Variants in CTSE observed in about 807,000 individuals in gnomAD.
CTSE encodes the protein erythrocyte membrane aspartic proteinase.
Under a neutral mutation model 42.8 loss-of-function variants are expected in CTSE, and 43 were observed. The ratio of observed to expected loss-of-function variants is 1.01; its 90% CI spans 0.79 to 1.30. CTSE has a LOEUF of 1.30. Ranked by LOEUF, CTSE falls within the 50% of genes most tolerant of loss-of-function variation. CTSE has a pLI of 0.00. For synonymous variants in CTSE, 205 were observed against 191.5 expected (o/e 1.07, Z -0.58); for missense variants, 532 against 493.5 (o/e 1.08, Z -0.74).
intron 3 of CTSE, 51 bp downstream of exon 3, chr1:206,022,099 C>T (rs2102278631): frequency 7.5e-7 from 1 of 1,341,742 alleles, no homozygotes; most frequent in Non-Finnish European, 1.0e-6. Flanking sequence ...GGCTTGGCCT[C>T]CCAGGACTAG....
Position 206,009,802 on chromosome 1 carries a change from G to A in CTSE, c.*381C>T, listed in dbSNP as rs116398880. 5.4e-3 allele frequency: 1,358 copies of A among 250,298 alleles called. 14 individuals carry two copies. The highest frequency in any genetic ancestry group is 0.029 in the African/African-American group (1,284 of 44,386). 15.5% of individuals were successfully genotyped at this position (250,298 alleles called of 1,614,324 possible). A position where few individuals can be genotyped will look rare whatever the true frequency, so the allele number is the denominator to read the frequency against. On this transcript the variant is annotated 3_prime_UTR_variant, in exon 9 of 9. Coordinates refer to ENST00000358184, the MANE Select transcript of CTSE (RefSeq NM_001910.4). ...TGTAGATAAACAGGCCTGGCCGTGTGTGGATGGGTTGTCAGGGCTGAGTGG... is the reference window on the plus strand; with the variant it reads ...TGTAGATAAACAGGCCTGGCCGTGTATGGATGGGTTGTCAGGGCTGAGTGG...
At chr1:206,020,875 G>C (rs761408821) in intron 4 of CTSE, among the ~76,000 whole-genome samples, 174 bp downstream of exon 4, 1 of 152,018 alleles carries the variant, frequency 6.6e-6, no homozygotes, top group Non-Finnish European at 1.5e-5. Context: ...GCGTGCTGTG[G>C]AGACTGACCC....
intron 3 of CTSE, 141 bp from the exon 4 acceptor site, chr1:206,021,308 G>A (rs1661415123): frequency 3.0e-6 from 2 of 672,562 alleles, no homozygotes; most frequent in Non-Finnish European, 5.3e-6. Flanking sequence ...GCCTGGTGAT[G>A]CCCCTCCCTA....
intron 4 of CTSE, among the ~76,000 whole-genome samples, chr1:206,017,582 TGG>T (rs1661297501): frequency 6.6e-6 from 1 of 151,986 alleles, no homozygotes; most frequent in Admixed American, 6.6e-5. Flanking sequence ...CTCCACCTCC[TGG>T]GTTCAAGCAG....
In CTSE at chr1:206,010,003, G is replaced by A. The variant is rs1189799984; in HGVS notation, c.*180C>T. The A allele has an allele frequency of 2.6e-5, 16 of 627,102 alleles. No homozygotes were observed. In the Admixed American group the frequency reaches 4.2e-4, roughly 16 times the overall value. The allele number at this position is 627,102 out of a possible 1,614,324, so 38.8% of individuals were successfully genotyped here. On this transcript the variant is annotated 3_prime_UTR_variant, in exon 9 of 9. Transcript: ENST00000358184. ...GGAGTGGTGTGTATGTGTGAAGTGT[G>A]TGTGTGTGTATATGTGTGTGTGTGT...
intron 8 of CTSE, 66 bp downstream of exon 8, chr1:206,012,242 A>T: frequency 7.4e-7 from 1 of 1,349,714 alleles, no homozygotes. Context: ...CAGGCGATTG[A>T]AAAGGGGAAG....
In CTSE at chr1:206,016,070, T is replaced by A. The variant is rs1553277693; in HGVS notation, c.523A>T (p.Thr175Ser). 1 of 1,613,882 alleles carries A rather than the reference T, an allele frequency of 6.2e-7. No individual in the cohort carries two copies. Among genetic ancestry groups the A allele is most frequent in the East Asian group, 2.2e-5 (1 of 44,878 alleles). Residue 175 changes from threonine to serine, a missense_variant, in exon 5 of 9, where the codon ACC (threonine) becomes TCC (serine). By Grantham distance (58) the Thr-to-Ser change is moderately conservative. Transcript: ENST00000358184. ...CCATCAAACTCTGCATCCACAAAGG[T>A]CTGGCCTGGCTCTGTGACACTTTCT... The part of the protein sequence containing the change: ...FGESVTEPGQ[T>S]FVDAEFDGIL...
At position 206,022,393 on chromosome 1, in the gene CTSE, G is replaced by A. The variant is rs115200237; in HGVS notation, c.226-126C>T. 835 of 625,160 alleles carry A rather than the reference G, an allele frequency of 1.3e-3. 8 individuals carry two copies. In the African/African-American group the frequency reaches 0.014, roughly 11 times the overall value. 38.7% of individuals were successfully genotyped at this position (625,160 alleles called of 1,614,324 possible). On this transcript the variant is annotated intron_variant, in intron 2 of 8. Transcript: ENST00000358184. ...GGTAATACAGACTGGAGTTTACAGA[G>A]CCTAGGAAGTGGCAACGCTGGAAAA... is the stretch of plus-strand genomic sequence containing the variant.
chr1:206,015,061 C>T lies in CTSE; in HGVS notation c.662+870G>A, dbSNP rs566672126. Among the ~76,000 whole-genome samples the T allele has an allele frequency of 7.2e-5, 11 of 152,100 alleles. No individual in the cohort carries two copies. The South Asian group carries it at 2.1e-3, about 29-fold the overall frequency. On this transcript the variant is annotated intron_variant, in intron 5 of 8. Coordinates refer to ENST00000358184, the MANE Select transcript of CTSE (RefSeq NM_001910.4). The stretch of plus-strand genomic sequence containing the variant: ...AGAGGAGATGACCCTCCAAGGATGC[C>T]GGGCAAGAGTGCCTAGAAACAGGTG...
At chr1:206,013,720 C>T (rs782344603) in intron 6 of CTSE, 52 bp downstream of exon 6, 3 of 1,586,976 alleles carry the variant, frequency 1.9e-6, no homozygotes, top group Non-Finnish European at 2.6e-6. Flanking sequence ...TTGAGTTGTG[C>T]CTCTTTTCAG....
chr1:206,023,419 G>T (rs1407088517), intron 1 of CTSE, among the ~76,000 whole-genome samples: 1 of 151,914 alleles, frequency 6.6e-6, no homozygotes, highest in Non-Finnish European at 1.5e-5. Context: ...AGTCCCCTGG[G>T]GAAGTCCTGG....
chr1:206,021,788 C>T lies in CTSE; in HGVS notation c.343+362G>A, dbSNP rs192672311. ...CAAGCAGACTATCTACACTAGAACCCGACTCACCTCCCTGCTCAGAAATAA... is the reference window on the plus strand; with the variant it reads ...CAAGCAGACTATCTACACTAGAACCTGACTCACCTCCCTGCTCAGAAATAA... On this transcript the variant is annotated intron_variant, in intron 3 of 8. Coordinates refer to ENST00000358184, the MANE Select transcript of CTSE (RefSeq NM_001910.4). 9.6e-4 allele frequency among the ~76,000 whole-genome samples: 146 copies of T among 152,128 alleles called. 2 individuals are homozygous for T. Among genetic ancestry groups the T allele is most frequent in the African/African-American group, 1.7e-3 (71 of 41,530 alleles).
chr1:206,022,164 G>A lies in CTSE; in HGVS notation c.329C>T (p.Thr110Ile). The change falls in exon 3 of 9, where the codon ACT becomes ATT. Residue 110 changes from threonine to isoleucine, a missense_variant. Coordinates refer to ENST00000358184, the MANE Select transcript of CTSE (RefSeq NM_001910.4). ...GCCCCACTTACTGCAGGCTGGGCTA[G>A]TGCAGTACACAGAGGGGACCCAGAG... Reference protein sequence around the residue: ...SNLWVPSVYCTSPACKTHSRF... With the variant: ...SNLWVPSVYCISPACKTHSRF... 3.1e-6 allele frequency: 5 copies of A among 1,605,404 alleles called. No individual in the cohort carries two copies. The highest frequency in any genetic ancestry group is 4.3e-6 in the Non-Finnish European group (5 of 1,173,364).
rs1314277604 is a variant in CTSE at position 206,023,819 on chromosome 1, TG to T, written c.-29del. On this transcript the variant is annotated 5_prime_UTR_variant, in exon 1 of 9. Coordinates refer to ENST00000358184, the MANE Select transcript of CTSE (RefSeq NM_001910.4). ...TGAGTCCGACCAGCAGCTTCTCCCT[TG>T]CCCCCTCCTTTCTTCTCTCCCCGAG... 14 of 1,610,590 alleles carry T rather than the reference TG, an allele frequency of 8.7e-6. 1 individual carries two copies. Among genetic ancestry groups the T allele is most frequent in the Non-Finnish European group, 1.2e-5 (14 of 1,177,218 alleles).
At position 206,023,714 on chromosome 1, in the gene CTSE, G is replaced by T. The variant is rs369976329; in HGVS notation, c.68+10C>A. ...ACCCAGCTGAACACAGTGCGGGGAC[G>T]TCTTCTCACCTGTGAAGGGATCCTT... On this transcript the variant is annotated intron_variant, in intron 1 of 8. Transcript: ENST00000358184. The T allele has an allele frequency of 4.0e-5, 65 of 1,612,682 alleles. No homozygotes were observed. Among genetic ancestry groups the T allele is most frequent in the Non-Finnish European group, 5.3e-5 (62 of 1,178,840 alleles).
chr1:206,014,662 C>T (rs372537581), intron 5 of CTSE, among the ~76,000 whole-genome samples: 2 of 151,990 alleles, frequency 1.3e-5, no homozygotes, highest in East Asian at 1.9e-4. Flanking sequence ...CCTAGTGGTC[C>T]GTGGAAGAAA....
rs1278439209 is a variant in CTSE, at chr1:206,021,174, A to G, written c.344-7T>C. 1 of 1,598,026 alleles carries G rather than the reference A, an allele frequency of 6.3e-7. No individual in the cohort carries two copies. The highest frequency in any genetic ancestry group is 8.6e-7 in the Non-Finnish European group (1 of 1,165,436). ...TGGAACCTGCTGTGCGTCTCTGGAAAGAAGTGCACTGCTCTTGCTTATGCC... is the reference window on the plus strand; with the variant it reads ...TGGAACCTGCTGTGCGTCTCTGGAAGGAAGTGCACTGCTCTTGCTTATGCC... On this transcript the variant is annotated splice_region_variant and splice_polypyrimidine_tract_variant and intron_variant, in intron 3 of 8. Transcript: ENST00000358184.
chr1:206,012,384 AGGTT>A lies in CTSE; in HGVS notation c.946_949del (p.Asn316LeufsTer95). On this transcript the variant is annotated frameshift_variant, in exon 8 of 9. Transcript: ENST00000358184. LOFTEE classifies it high-confidence loss of function. ...GAAGGTGACATCCGGCATGACGTTAAGGTTGGCACACTCCACAGCATACTAAAAC... is the reference window on the plus strand; with the variant it reads ...GAAGGTGACATCCGGCATGACGTTAAGGCACACTCCACAGCATACTAAAAC... The A allele has an allele frequency of 6.2e-7, 1 of 1,613,944 alleles. No individual in the cohort carries two copies. Among genetic ancestry groups the A allele is most frequent in the African/African-American group, 1.3e-5 (1 of 75,018 alleles).
At chr1:206,022,837 G>T in intron 2 of CTSE, 64 bp downstream of exon 2, 3 of 1,439,596 alleles carry the variant, frequency 2.1e-6, no homozygotes, top group Non-Finnish European at 2.8e-6. Context: ...CACTGGCCAT[G>T]CCCTAATGCT....
Sources: gnomAD v4.1 joint callset for allele counts (sites outside exome capture counted in the v4.1 genomes callset) on GRCh38, gnomAD v4.1.1 for gene constraint, MANE v1.5 for transcripts, NCBI Gene and HGNC (gene_info 2026-07-23, HGNC 2026-07-21) for gene names.